Variants in RELN observed in about 807,000 individuals in gnomAD.
RELN encodes reelin.
RELN carries 108 observed loss-of-function variants against 427.6 expected under a neutral mutation model. The observed-to-expected ratio is 0.25, with a 90% confidence interval of 0.22 to 0.30. RELN has a LOEUF of 0.30. RELN is among the 10% of genes least tolerant of loss of function. The probability of loss-of-function intolerance (pLI) is 1.00; values close to 1 mark genes in which losing one functional copy is unlikely to be tolerated. For synonymous variants in RELN, 1,524 were observed against 1,513.4 expected, an observed-to-expected ratio of 1.01 and a Z score of -0.16; for missense variants, 3,715 against 4,302.8, an observed-to-expected ratio of 0.86 and a Z score of 3.82.
At chr7:103,789,213 G>A (rs368443073) in intron 3 of RELN, among the ~76,000 whole-genome samples, 3 of 152,078 alleles carry the variant, frequency 2.0e-5, no homozygotes, top group East Asian at 1.9e-4. Flanking sequence ...AGATTTTAAC[G>A]CAAGACCTAA....
At position 103,603,968 on chromosome 7, in the gene RELN, T is replaced by A. The variant is rs541050386; in HGVS notation, c.3146+378A>T. 3.3e-5 allele frequency among the ~76,000 whole-genome samples: 5 copies of A among 152,120 alleles called. No individual in the cohort carries two copies. Among genetic ancestry groups the A allele is most frequent in the African/African-American group, 1.2e-4 (5 of 41,432 alleles). On this transcript the variant is annotated intron_variant, in intron 23 of 64. Coordinates refer to ENST00000428762, the MANE Select transcript of RELN (RefSeq NM_005045.4). The surrounding 1 kb of genome is among the most constrained non-coding windows in gnomAD (Gnocchi z 4.3). ...CTGTCCTCATTAGCAATAATCACCA[T>A]CTCCCCATGTATACAACCTTGAACT... is the stretch of plus-strand genomic sequence containing the variant.
intron 2 of RELN, among the ~76,000 whole-genome samples, chr7:103,866,125 G>A (rs888059484): frequency 6.6e-6 from 1 of 151,972 alleles, no homozygotes; most frequent in Non-Finnish European, 1.5e-5. Context: ...CATAACAAAA[G>A]CAAGAATTAT....
At chr7:103,665,429 C>T (rs1302384239) in intron 11 of RELN, among the ~76,000 whole-genome samples, 4 of 151,816 alleles carry the variant, frequency 2.6e-5, no homozygotes, top group African/African-American at 9.7e-5. Context: ...CTCCCTCTGT[C>T]CCTCAGCCAC....
At chr7:103,507,256 T>C (rs1829246944) in intron 51 of RELN, among the ~76,000 whole-genome samples, 3 of 152,212 alleles carry the variant, frequency 2.0e-5, no homozygotes, top group Admixed American at 6.5e-5. Flanking sequence ...ATTGCACTTA[T>C]TCCAAAATTG....
intron 2 of RELN, among the ~76,000 whole-genome samples, chr7:103,845,254 A>G (rs1793647132): frequency 6.6e-6 from 1 of 151,938 alleles, no homozygotes; most frequent in African/African-American, 2.4e-5. Flanking sequence ...GCAGTGGTAC[A>G]ATCTTGGCTC....
chr7:103,472,654 G>C lies in RELN; in HGVS notation c.*158C>G. ...ATAAGTCACTTGTCATTAGTTCACA[G>C]TGTGGGAAAGTGGTGTACACTCGGT... On this transcript the variant is annotated 3_prime_UTR_variant, in exon 65 of 65. Transcript: ENST00000428762. The C allele has an allele frequency of 4.6e-6, 3 of 649,442 alleles. No homozygotes were observed. Among genetic ancestry groups the C allele is most frequent in the South Asian group, 1.8e-5 (1 of 56,256 alleles). The allele number at this position is 649,442 out of a possible 1,614,324, so 40.2% of individuals were successfully genotyped here.
At chr7:103,976,829 T>G (rs1472159704) in intron 1 of RELN, among the ~76,000 whole-genome samples, 1 of 152,108 alleles carries the variant, frequency 6.6e-6, no homozygotes, top group African/African-American at 2.4e-5. Flanking sequence ...GTCGGGCAAA[T>G]TGATTGAGTC....
At chr7:103,795,422 G>A (rs1254667386) in intron 3 of RELN, among the ~76,000 whole-genome samples, 1 of 152,204 alleles carries the variant, frequency 6.6e-6, no homozygotes, top group Non-Finnish European at 1.5e-5. Context: ...GAGATCCAGT[G>A]TGGATAATCG....
intron 11 of RELN, among the ~76,000 whole-genome samples, chr7:103,680,688 C>A (rs1833633204): frequency 6.6e-6 from 1 of 151,362 alleles, no homozygotes; most frequent in Admixed American, 6.6e-5. Flanking sequence ...ACCACTGTTT[C>A]TTTTTTTCCC....
Position 103,636,277 on chromosome 7 carries a change from C to T in RELN, c.2261G>A (p.Arg754Gln), listed in dbSNP as rs1294568040. The part of the protein sequence containing the change: ...GKALVFNKDG[R>Q]RQLITSFLDS... ...AAGGAAAGATGTAATTAGCTGACGC[C>T]GCCCATCTTTGTTGAAAACCAGGGC... Residue 754 changes from arginine to glutamine, a missense_variant, in exon 18 of 65, where the codon CGG becomes CAG. Arg to Gln is a conservative substitution (Grantham distance 43). Coordinates refer to ENST00000428762, the MANE Select transcript of RELN (RefSeq NM_005045.4). 8 of 1,613,868 alleles carry T rather than the reference C, an allele frequency of 5.0e-6. No homozygotes were observed. Among genetic ancestry groups the T allele is most frequent in the East Asian group, 4.5e-5 (2 of 44,804 alleles).
rs362683 is a variant in RELN at position 103,605,781 on chromosome 7, T to C, written c.3009-1298A>G. ...ACATATTAAGTACTCCCTAAGTACA[T>C]AACAGACTGTTAAAATTCCGACTAA... On this transcript the variant is annotated intron_variant, in intron 22 of 64. Coordinates refer to ENST00000428762, the MANE Select transcript of RELN (RefSeq NM_005045.4). Among the ~76,000 whole-genome samples, 714 of 152,332 alleles carry C rather than the reference T, an allele frequency of 4.7e-3. 4 individuals are homozygous for C. Among genetic ancestry groups the C allele is most frequent in the African/African-American group, 0.016 (677 of 41,574 alleles).
At chr7:103,579,336 C>T (rs1276271713) in intron 28 of RELN, among the ~76,000 whole-genome samples, 2 of 152,248 alleles carry the variant, frequency 1.3e-5, no homozygotes, top group East Asian at 1.9e-4. Flanking sequence ...CAGTGGCTCA[C>T]GCCTGTAATC....
chr7:103,618,451 T>G (rs1039836591), intron 20 of RELN, among the ~76,000 whole-genome samples: 2 of 152,344 alleles, frequency 1.3e-5, no homozygotes, highest in African/African-American at 4.8e-5. Flanking sequence ...TTGGCATGTA[T>G]TTACCCAATA....
chr7:103,594,553 C>G, intron 25 of RELN, 61 bp from the exon 26 acceptor site: 8 of 1,500,026 alleles, frequency 5.3e-6, no homozygotes, highest in African/African-American at 1.4e-5. Flanking sequence ...TTTTTTTCAG[C>G]TATTAAAACA....
chr7:103,821,776 C>T (rs1191125848), intron 3 of RELN, among the ~76,000 whole-genome samples: 1 of 149,346 alleles, frequency 6.7e-6, no homozygotes, highest in Admixed American at 6.7e-5. Context: ...TTTGCAACTA[C>T]AGTGTACATT....
intron 1 of RELN, among the ~76,000 whole-genome samples, chr7:103,939,446 C>G (rs959106287): frequency 3.9e-5 from 6 of 152,010 alleles, no homozygotes; most frequent in Admixed American, 3.9e-4. Flanking sequence ...TCAAAAAGCC[C>G]AAGATAAATA....
intron 51 of RELN, 98 bp from the exon 52 acceptor site, chr7:103,503,328 C>T: frequency 1.1e-6 from 1 of 899,112 alleles, no homozygotes; most frequent in Middle Eastern, 2.2e-4. Flanking sequence ...ACTTGATATA[C>T]ACTGTACCAC....
At chr7:103,970,472 TTTTCTTTTTC>T (rs1482918014) in intron 1 of RELN, among the ~76,000 whole-genome samples, 1 of 152,124 alleles carries the variant, frequency 6.6e-6, no homozygotes, top group African/African-American at 2.4e-5. Flanking sequence ...TGCTATTTCT[TTTTCTTTTTC>T]TTTTTTTTTC....
chr7:103,761,123 C>T (rs1791287863), intron 4 of RELN, among the ~76,000 whole-genome samples: 1 of 152,166 alleles, frequency 6.6e-6, no homozygotes, highest in Non-Finnish European at 1.5e-5. Context: ...TGATTTTCCA[C>T]CTCAACTTGA....
Sources: gnomAD v4.1 joint callset for allele counts (sites outside exome capture counted in the v4.1 genomes callset) on GRCh38, gnomAD v4.1.1 for gene constraint, Gnocchi (gnomAD v3.1) non-coding constraint, MANE v1.5 for transcripts, NCBI Gene and HGNC (gene_info 2026-07-23, HGNC 2026-07-21) for gene names.